KCNH5: variants seen among roughly 807,000 people sequenced by gnomAD.
The protein encoded by KCNH5 is potassium voltage-gated channel subfamily H member 5.
KCNH5 carries 46 observed loss-of-function variants against 96.1 expected under a neutral mutation model. The observed-to-expected ratio is 0.48, with a 90% confidence interval of 0.38 to 0.61. KCNH5 has a LOEUF of 0.61. Among genes scored for constraint, KCNH5 ranks in the 20% least tolerant of loss-of-function variants. KCNH5 has a pLI of 0.00. For synonymous variants in KCNH5, 439 were observed against 449.8 expected, an observed-to-expected ratio of 0.98 and a Z score of 0.30; for missense variants, 907 against 1,225.8, an observed-to-expected ratio of 0.74 and a Z score of 3.88.
chr14:62,972,061 GA>G (rs1317809329), intron 6 of KCNH5, among the ~76,000 whole-genome samples: 3 of 151,918 alleles, frequency 2.0e-5, no homozygotes, highest in African/African-American at 7.3e-5. Context: ...AAAAGAATGA[GA>G]AGACAAGCCA....
At position 62,987,108 on chromosome 14, in the gene KCNH5, T is replaced by G; in HGVS notation, c.513A>C (p.Lys171Asn). The change falls in exon 5 of 11, where the codon AAA (lysine) becomes AAC (asparagine). Residue 171 changes from lysine to asparagine, a missense_variant. Physicochemically the swap from Lys to Asn is moderately conservative, Grantham distance 94. Coordinates refer to ENST00000322893, the MANE Select transcript of KCNH5 (RefSeq NM_139318.5). The part of the protein sequence containing the change: ...SVLQQLTPMN[K>N]TEVVHKHSRL... The stretch of plus-strand genomic sequence containing the variant: ...TTGAATGTTTATGGACCACCTCTGT[T>G]TTATTCATTGGCGTGAGCTGCTGCA... 6.2e-7 allele frequency: 1 copy of G among 1,613,658 alleles called. No individual in the cohort carries two copies. Among genetic ancestry groups the G allele is most frequent in the Non-Finnish European group, 8.5e-7 (1 of 1,179,646 alleles).
At chr14:62,867,252 G>A (rs999066376) in intron 7 of KCNH5, among the ~76,000 whole-genome samples, 1 of 152,084 alleles carries the variant, frequency 6.6e-6, no homozygotes, top group Non-Finnish European at 1.5e-5. Context: ...AGCCTCTGCC[G>A]CACCAAGGTT....
chr14:62,895,602 A>G (rs1888795015), intron 7 of KCNH5, among the ~76,000 whole-genome samples: 1 of 152,116 alleles, frequency 6.6e-6, no homozygotes, highest in South Asian at 2.1e-4. Context: ...CAATGTCAGC[A>G]TCATGAGTTT....
At chr14:62,754,672 C>T (rs773606642) in intron 10 of KCNH5, among the ~76,000 whole-genome samples, 9 of 151,582 alleles carry the variant, frequency 5.9e-5, no homozygotes, top group Admixed American at 2.0e-4. Context: ...CAGGAGTTCA[C>T]GACCAGCCCA....
At chr14:62,799,369 G>A (rs1261687186) in intron 9 of KCNH5, among the ~76,000 whole-genome samples, 1 of 151,868 alleles carries the variant, frequency 6.6e-6, no homozygotes, top group Non-Finnish European at 1.5e-5. Context: ...CTGAGGTCAG[G>A]AGTTCGAGAC....
rs566450383 is a variant in KCNH5, at chr14:62,855,652, C to A, written c.1370-5800G>T. On this transcript the variant is annotated intron_variant, in intron 7 of 10. Coordinates refer to ENST00000322893, the MANE Select transcript of KCNH5 (RefSeq NM_139318.5). Reference sequence around the variant, plus strand: ...GAAGAGGGTAGTGAGTCCTTTATGACACACATCACAGCCCAAGAGAATACT... The same window carrying A: ...GAAGAGGGTAGTGAGTCCTTTATGAAACACATCACAGCCCAAGAGAATACT... 4.6e-5 allele frequency among the ~76,000 whole-genome samples: 7 copies of A among 152,254 alleles called. No individual in the cohort carries two copies. The South Asian group carries it at 1.5e-3, about 32-fold the overall frequency.
intron 8 of KCNH5, among the ~76,000 whole-genome samples, chr14:62,821,939 C>T (rs1351470805): frequency 1.3e-5 from 2 of 152,088 alleles, no homozygotes; most frequent in Non-Finnish European, 2.9e-5. Context: ...CCATAGACCA[C>T]AGCCTAATGC....
intron 1 of KCNH5, among the ~76,000 whole-genome samples, chr14:63,044,332 T>G (rs1891881764): frequency 6.6e-6 from 1 of 152,210 alleles, no homozygotes; most frequent in Non-Finnish European, 1.5e-5. Context: ...AATGTATAAA[T>G]GGATGGTATT....
At chr14:62,969,546 T>C (rs751839981) in intron 6 of KCNH5, among the ~76,000 whole-genome samples, 4 of 151,722 alleles carry the variant, frequency 2.6e-5, no homozygotes, top group Admixed American at 6.6e-5. Flanking sequence ...TGAGAGCATG[T>C]GGACACAGGG....
intron 8 of KCNH5, among the ~76,000 whole-genome samples, chr14:62,844,924 G>A (rs1442523438): frequency 6.6e-6 from 1 of 152,054 alleles, no homozygotes; most frequent in Non-Finnish European, 1.5e-5. Context: ...CAGTCATTGG[G>A]GCGAAGGTTT....
chr14:62,737,390 C>T, intron 10 of KCNH5, among the ~76,000 whole-genome samples: 1 of 152,188 alleles, frequency 6.6e-6, no homozygotes, highest in East Asian at 1.9e-4. Flanking sequence ...TGAATACTGA[C>T]TACCACTGGA....
intron 9 of KCNH5, among the ~76,000 whole-genome samples, chr14:62,791,960 C>A (rs903066594): frequency 1.3e-5 from 2 of 151,436 alleles, no homozygotes; most frequent in Non-Finnish European, 3.0e-5. Flanking sequence ...TTGCAATTGG[C>A]TCATAAACTT....
At chr14:63,021,482 A>T (rs1891426027) in intron 1 of KCNH5, among the ~76,000 whole-genome samples, 1 of 152,068 alleles carries the variant, frequency 6.6e-6, no homozygotes, top group African/African-American at 2.4e-5. Context: ...CTCTTTGCCC[A>T]TCAAAACACT....
chr14:62,734,319 G>A (rs543875154), intron 10 of KCNH5, among the ~76,000 whole-genome samples: 6 of 152,192 alleles, frequency 3.9e-5, no homozygotes, highest in Admixed American at 3.9e-4. Flanking sequence ...CAAGGCACAC[G>A]GGATGCTCTA....
intron 1 of KCNH5, among the ~76,000 whole-genome samples, chr14:63,021,589 T>C (rs138121978): frequency 1.9e-3 from 288 of 152,184 alleles, no homozygotes; most frequent in Middle Eastern, 0.014. Flanking sequence ...TCTCCAACCA[T>C]TCACAGGACA....
At chr14:62,902,346 G>C (rs1306585675) in intron 7 of KCNH5, among the ~76,000 whole-genome samples, 1 of 151,142 alleles carries the variant, frequency 6.6e-6, no homozygotes, top group Non-Finnish European at 1.5e-5. Context: ...CTTATAGTTT[G>C]AGGTCTTACA....
At chr14:62,834,620 C>A (rs1249003794) in intron 8 of KCNH5, among the ~76,000 whole-genome samples, 2 of 151,890 alleles carry the variant, frequency 1.3e-5, no homozygotes, top group East Asian at 3.9e-4. Flanking sequence ...GACAATTGGA[C>A]TAGAGATCTA....
rs1370664034 is a variant in KCNH5, at chr14:62,791,577, G to A, written c.1822+10752C>T. On this transcript the variant is annotated intron_variant, in intron 9 of 10. Transcript: ENST00000322893. ...ACACATGGGCTGAAAGTTAAAGAAT[G>A]GAAGATATTCCATGCAAACAGTAGC... 7.3e-5 allele frequency among the ~76,000 whole-genome samples: 11 copies of A among 151,684 alleles called. No individual in the cohort carries two copies. The East Asian group carries it at 1.2e-3, about 16-fold the overall frequency.
chr14:62,874,040 C>T (rs936115533), intron 7 of KCNH5, among the ~76,000 whole-genome samples: 1 of 152,168 alleles, frequency 6.6e-6, no homozygotes, highest in Non-Finnish European at 1.5e-5. Flanking sequence ...ATATTTAAAA[C>T]AAGTAAACAT....
Sources: allele counts gnomAD v4.1 joint callset (sites outside exome capture counted in the v4.1 genomes callset), GRCh38; gene constraint gnomAD v4.1.1; transcripts MANE v1.5; gene names NCBI Gene and HGNC (gene_info 2026-07-23, HGNC 2026-07-21).